The following CD163L1 variants were observed in gnomAD, a reference collection of about 807,000 sequenced individuals.
The protein encoded by CD163L1 is scavenger receptor cysteine-rich type 1 protein M160.
In CD163L1, 124 loss-of-function variants were observed where a neutral mutation model predicts 165.4. The observed-to-expected ratio is 0.75, with a 90% CI of 0.65 to 0.87. The LOEUF (loss-of-function observed/expected upper bound fraction) is 0.87. Among genes scored for constraint, CD163L1 ranks in the 40% least tolerant of loss-of-function variants. The probability of loss-of-function intolerance (pLI) is 0.00; values close to 1 mark genes in which losing one functional copy is unlikely to be tolerated. For synonymous variants in CD163L1, 585 were observed against 662.2 expected, an observed-to-expected ratio of 0.88 and a Z score of 1.79; for missense variants, 1,525 against 1,799.9, an observed-to-expected ratio of 0.85 and a Z score of 2.76.
the CD163L1 span, among the ~76,000 whole-genome samples, chr12:7,338,061 A>C: frequency 3.5e-4 from 54 of 152,316 alleles, 1 homozygote; most frequent in South Asian, 2.7e-3. Flanking sequence ...GAACTAACAC[A>C]GGAACAGAAA....
chr12:7,322,575 T>TGGG, the CD163L1 span: 1 of 1,576,548 alleles, frequency 6.3e-7, no homozygotes, highest in East Asian at 2.3e-5. Context: ...TTAGTATATG[T>TGGG]GGGGGCCTTT....
chr12:7,439,858 C>T, intron 2 of CD163L1: 1 of 1,612,142 alleles, frequency 6.2e-7, no homozygotes, highest in South Asian at 1.1e-5. Flanking sequence ...GGCCTCCGCT[C>T]CTCTCGCGGC....
At chr12:7,324,578 C>T in the CD163L1 span, 5 of 1,613,816 alleles carry the variant, frequency 3.1e-6, no homozygotes, top group Non-Finnish European at 3.4e-6. Context: ...TGTCAGTAGT[C>T]CAGATCAAAT....
intron 18 of CD163L1, among the ~76,000 whole-genome samples, chr12:7,358,818 A>G (rs941290299): frequency 4.6e-5 from 7 of 152,146 alleles, no homozygotes; most frequent in Admixed American, 1.3e-4. Context: ...AACAACTAGG[A>G]TTAATGTGTT....
chr12:7,394,906 G>T (rs1034380637), intron 8 of CD163L1, among the ~76,000 whole-genome samples: 5 of 151,862 alleles, frequency 3.3e-5, no homozygotes, highest in Non-Finnish European at 5.9e-5. Context: ...ACCATCTCAC[G>T]CCAGTTAGAA....
At position 7,375,997 on chromosome 12, in the gene CD163L1, G is replaced by A; in HGVS notation, c.2389C>T (p.Leu797=). 6.2e-7 allele frequency: 1 copy of A among 1,613,466 alleles called. No individual in the cohort carries two copies. The highest frequency in any genetic ancestry group is 2.2e-5 in the East Asian group (1 of 44,874). ...LICSAHRQPR[L]VGADMPCSGR... is the part of the protein sequence containing the mutation. ...GAGCAGGGCATATCAGCTCCAACCA[G>A]CCTGGGCTGCCTGTGGGCTATAAAA... The change falls in exon 10 of 20, where the codon CTG becomes TTG. Residue 797 remains leucine (L), a synonymous_variant. Transcript: ENST00000313599.
chr12:7,369,540 G>A lies in CD163L1; in HGVS notation c.3856C>T (p.Gln1286Ter). 6.2e-7 allele frequency: 1 copy of A among 1,614,196 alleles called. No individual in the cohort carries two copies. The highest frequency in any genetic ancestry group is 8.5e-7 in the Non-Finnish European group (1 of 1,180,040). Residue 1286 changes from glutamine to a stop codon, truncating the protein, a stop_gained, in exon 15 of 20, where the codon CAG (glutamine) becomes TAG (stop). Transcript: ENST00000313599. LOFTEE classifies it high-confidence loss of function. The surrounding 1 kb of genome is among the most constrained non-coding windows in gnomAD (Gnocchi z 4.9). ...GCCAGAGCAGAGCCACAGCCCAGCT[G>A]CTGACACACCACTTCCGCCTCGGCC... ...DLAEAEVVCQ[Q>*]LGCGSALAAL... is the part of the protein sequence containing the mutation.
intron 2 of CD163L1, among the ~76,000 whole-genome samples, chr12:7,436,023 T>A (rs1948708586): frequency 1.3e-5 from 2 of 152,122 alleles, no homozygotes; most frequent in South Asian, 4.1e-4. Context: ...TCTATATCTA[T>A]CATATTATTA....
chr12:7,375,157 T>C, intron 11 of CD163L1, 124 bp downstream of exon 11: 1 of 960,290 alleles, frequency 1.0e-6, no homozygotes. Context: ...ACTCTTTGAC[T>C]GTCATGCCTA....
intron 4 of CD163L1, among the ~76,000 whole-genome samples, chr12:7,421,917 A>T (rs1948447996): frequency 6.6e-6 from 1 of 152,034 alleles, no homozygotes; most frequent in African/African-American, 2.4e-5. Flanking sequence ...GGAGGGTTCT[A>T]CTACCACAGT....
chr12:7,363,486 A>G (rs764796311), intron 18 of CD163L1, among the ~76,000 whole-genome samples: 2 of 152,080 alleles, frequency 1.3e-5, no homozygotes, highest in Non-Finnish European at 2.9e-5. Flanking sequence ...CAACAAGATT[A>G]AAAAGTTGAT....
At chr12:7,358,947 C>T (rs1051340824) in intron 18 of CD163L1, among the ~76,000 whole-genome samples, 31 of 151,722 alleles carry the variant, frequency 2.0e-4, no homozygotes, top group South Asian at 2.1e-4. Context: ...GTAATAGAAA[C>T]GAAGCATGTC....
intron 2 of CD163L1, chr12:7,440,009 C>T: frequency 2.0e-6 from 3 of 1,471,730 alleles, no homozygotes; most frequent in South Asian, 1.2e-5. Flanking sequence ...CCGCAAACCG[C>T]CGAGGAAAAC....
At chr12:7,335,912 CA>C in the CD163L1 span, among the ~76,000 whole-genome samples, 1 of 115,596 alleles carries the variant, frequency 8.7e-6, no homozygotes, top group South Asian at 3.1e-4. Context: ...AAAAAATGCT[CA>C]TCATCACTGG....
chr12:7,413,091 C>CAAAAAAAAA (rs111943372), intron 4 of CD163L1, among the ~76,000 whole-genome samples: 2 of 39,530 alleles, frequency 5.1e-5, no homozygotes, highest in African/African-American at 7.6e-5. Flanking sequence ...GACTCCATCT[C>CAAAAAAAAA]AAAAAAAAAA....
In CD163L1 at chr12:7,406,740, A is replaced by G; in HGVS notation, c.879T>C (p.Asn293=). 1 of 1,614,024 alleles carries G rather than the reference A, an allele frequency of 6.2e-7. No individual in the cohort carries two copies. ...GCTTGCATACGACATCAGCTGCAGC[A>G]TTGTTCCACTTATGGTGGCATACGG... ...WGTVCHHKWN[N]AAADVVCKQL... Residue 293 remains asparagine, a synonymous_variant, in exon 5 of 20, where the codon AAT becomes AAC. Transcript: ENST00000313599.
In CD163L1 at chr12:7,406,533, T is replaced by C. The variant is rs150481977; in HGVS notation, c.1086A>G (p.Ser362=). The change falls in exon 5 of 20, where the codon TCA becomes TCG. Residue 362 remains serine, a splice_region_variant and synonymous_variant. Transcript: ENST00000313599. ...LHQNDVSVIC[S]DGADLELRLA... is the part of the protein sequence containing the mutation. ...TAATCATGTGGATGTAAGTCTTACCTGAGCAGATCACAGACACATCGTTTT... is the reference window on the plus strand; with the variant it reads ...TAATCATGTGGATGTAAGTCTTACCCGAGCAGATCACAGACACATCGTTTT... 1.1e-4 allele frequency: 182 copies of C among 1,613,612 alleles called. 2 individuals carry two copies. In the African/African-American group the frequency reaches 2.3e-3, roughly 20 times the overall value.
Position 7,430,793 on chromosome 12 carries a change from T to G in CD163L1, c.766+1623A>C, listed in dbSNP as rs960621877. 2.6e-5 allele frequency among the ~76,000 whole-genome samples: 4 copies of G among 151,970 alleles called. No individual in the cohort carries two copies. In the East Asian group the frequency reaches 7.7e-4, roughly 29 times the overall value. Reference sequence around the variant, plus strand: ...CCAAGAGAAATGAAGGAGGAAGAGTTTTTTTCTACCTAGAGGAACAGAATG... The same window carrying G: ...CCAAGAGAAATGAAGGAGGAAGAGTGTTTTTCTACCTAGAGGAACAGAATG... On this transcript the variant is annotated intron_variant, in intron 4 of 19. Coordinates refer to ENST00000313599, the MANE Select transcript of CD163L1 (RefSeq NM_174941.6).
intron 2 of CD163L1, chr12:7,439,951 GC>G (rs1179122832): frequency 1.3e-5 from 20 of 1,579,118 alleles, no homozygotes; most frequent in Admixed American, 1.1e-4. Context: ...TGACACAGGG[GC>G]TGCGGTCACA....
Sources: gnomAD v4.1 joint callset for allele counts (sites outside exome capture counted in the v4.1 genomes callset) on GRCh38, gnomAD v4.1.1 for gene constraint, Gnocchi (gnomAD v3.1) non-coding constraint, MANE v1.5 for transcripts, NCBI Gene and HGNC (gene_info 2026-07-23, HGNC 2026-07-21) for gene names.